The following ZNF821 variants were observed in gnomAD, a reference collection of about 807,000 sequenced individuals.
ZNF821 encodes zinc finger protein 821.
Under a neutral mutation model 44.3 loss-of-function variants are expected in ZNF821, and 16 were observed. The observed-to-expected ratio is 0.36, with a 90% CI of 0.24 to 0.55. ZNF821 has a LOEUF of 0.55. ZNF821 is among the 20% of genes least tolerant of loss of function. The pLI is 0.86. For missense variants in ZNF821, 436 were observed against 547.6 expected, an observed-to-expected ratio of 0.80 and a Z score of 2.03; for synonymous variants, 204 against 197.6, an observed-to-expected ratio of 1.03 and a Z score of -0.27.
At chr16:71,864,823 G>A in intron 5 of ZNF821, 80 bp downstream of exon 5, 3 of 1,568,460 alleles carry the variant, frequency 1.9e-6, no homozygotes, top group East Asian at 2.2e-5. Flanking sequence ...GCAAGACTGT[G>A]CCACAGGGGT....
rs771275957 is a variant in ZNF821 at position 71,883,140 on chromosome 16, C to G, written c.-78+71G>C. ...AGGTATTAGGTTGCAGCGTCTAGGG[C>G]ACACCACAGACTTTGGCAAGAAAAA... On this transcript the variant is annotated intron_variant, in intron 2 of 7. Transcript: ENST00000425432. 3.9e-5 allele frequency: 18 copies of G among 456,452 alleles called. No individual in the cohort carries two copies. In the East Asian group the frequency reaches 1.2e-3, roughly 30 times the overall value. The allele number at this position is 456,452 out of a possible 1,614,324, so 28.3% of individuals were successfully genotyped here.
chr16:71,879,849 C>G (rs548198390), intron 3 of ZNF821, 58 bp downstream of exon 3: 1 of 1,529,242 alleles, frequency 6.5e-7, no homozygotes, highest in South Asian at 1.2e-5. Context: ...ATTCAGGTTA[C>G]TCTTCCATTC....
At chr16:71,873,939 G>A (rs1001145212) in intron 3 of ZNF821, among the ~76,000 whole-genome samples, 17 of 147,530 alleles carry the variant, frequency 1.2e-4, no homozygotes, top group Non-Finnish European at 2.1e-4. Context: ...AGGTGTGAGC[G>A]ACCACGCCCG....
intron 3 of ZNF821, among the ~76,000 whole-genome samples, chr16:71,872,194 G>A (rs1263414116): frequency 6.6e-6 from 1 of 152,194 alleles, no homozygotes; most frequent in African/African-American, 2.4e-5. Context: ...GAACAGATGA[G>A]AGGAATGAGA....
chr16:71,880,059 T>C, intron 2 of ZNF821, 36 bp from the exon 3 acceptor site: 1 of 1,006,734 alleles, frequency 9.9e-7, no homozygotes, highest in South Asian at 1.9e-5. Context: ...CACATGTCAT[T>C]TTCCCCAGCA....
chr16:71,870,637 G>A (rs1037422964), intron 3 of ZNF821, among the ~76,000 whole-genome samples: 3 of 151,998 alleles, frequency 2.0e-5, no homozygotes, highest in Admixed American at 6.6e-5. Context: ...CCAGTACCAC[G>A]CCTGGCTAAT....
At chr16:71,887,814 A>G (rs2036867164), upstream of ZNF821, among the ~76,000 whole-genome samples, 1 of 151,144 alleles carries the variant, frequency 6.6e-6, no homozygotes, top group African/African-American at 2.4e-5. Context: ...CCATTTGGAG[A>G]ATGTCTATTC....
At chr16:71,889,216 G>A (rs2036873080), upstream of ZNF821, among the ~76,000 whole-genome samples, 1 of 152,130 alleles carries the variant, frequency 6.6e-6, no homozygotes, top group South Asian at 2.1e-4. Flanking sequence ...TCAGCCTGAT[G>A]ACAGAGTGAA....
At chr16:71,876,710 C>T (rs1052926507) in intron 3 of ZNF821, among the ~76,000 whole-genome samples, 4 of 152,138 alleles carry the variant, frequency 2.6e-5, no homozygotes, top group Middle Eastern at 3.2e-3. Flanking sequence ...TGGGTTCAAG[C>T]GATCCTCCCA....
upstream of ZNF821, among the ~76,000 whole-genome samples, chr16:71,885,672 A>G (rs535124032): frequency 9.2e-5 from 14 of 152,314 alleles, no homozygotes; most frequent in African/African-American, 3.4e-4. Flanking sequence ...CTTGTGTTCA[A>G]TGTAATAGAA....
upstream of ZNF821, among the ~76,000 whole-genome samples, chr16:71,888,043 A>C (rs4788573): frequency 0.8 from 121,308 of 151,650 alleles, 48,873 homozygotes; most frequent in East Asian, 0.98. Context: ...CACCTGAATA[A>C]TTTTTGTATT....
intron 4 of ZNF821, among the ~76,000 whole-genome samples, chr16:71,866,388 C>G (rs939202709): frequency 3.3e-5 from 5 of 152,162 alleles, no homozygotes; most frequent in African/African-American, 1.2e-4. Context: ...AACTGGTGGA[C>G]TGGATTTGGG....
At chr16:71,883,145 C>T in intron 2 of ZNF821, 66 bp downstream of exon 2, 1 of 456,430 alleles carries the variant, frequency 2.2e-6, no homozygotes, top group Non-Finnish European at 4.4e-6. Context: ...TAGGGCACAC[C>T]ACAGACTTTG....
chr16:71,871,939 C>T (rs2142406161), intron 3 of ZNF821, among the ~76,000 whole-genome samples: 1 of 151,946 alleles, frequency 6.6e-6, no homozygotes, highest in East Asian at 1.9e-4. Flanking sequence ...TCAAGCGATT[C>T]TCCTGCCTCA....
In ZNF821 at chr16:71,867,968, T is replaced by A. The variant is rs979487929; in HGVS notation, c.110A>T (p.Asp37Val). The change falls in exon 4 of 8, where the codon GAC becomes GTC. Residue 37 changes from aspartate to valine, a missense_variant. Asp to Val is a radical substitution (Grantham distance 152, BLOSUM62 -3). Coordinates refer to ENST00000425432, the MANE Select transcript of ZNF821 (RefSeq NM_001201552.2). ...QAMMKTDFPGDLGSQRQAIQQ... is the reference protein window; with the variant it reads ...QAMMKTDFPGVLGSQRQAIQQ... The stretch of plus-strand genomic sequence containing the variant: ...GATAGCTTGTCGCTGACTGCCAAGG[T>A]CTCCAGGAAAATCAGTTTTCATCAT... The A allele has an allele frequency of 2.0e-6, 3 of 1,535,940 alleles. No homozygotes were observed. In the African/African-American group the frequency reaches 4.1e-5, roughly 21 times the overall value.
intron 1 of ZNF821, chr16:71,893,822 A>C (rs1283221311): frequency 6.7e-6 from 1 of 150,064 alleles, no homozygotes; most frequent in Non-Finnish European, 1.5e-5. Flanking sequence ...GCTAGATTGC[A>C]ATGGGGAGAT....
At chr16:71,865,803 G>A (rs140983421) in intron 4 of ZNF821, among the ~76,000 whole-genome samples, 62 of 152,236 alleles carry the variant, frequency 4.1e-4, no homozygotes, top group South Asian at 3.1e-3. Flanking sequence ...TGGAAGGAAC[G>A]GGCCATTCTT....
In ZNF821 at chr16:71,860,028, G is replaced by T; in HGVS notation, c.1229C>A (p.Ser410Tyr). Residue 410 changes from serine (S) to tyrosine (Y), a missense_variant, in exon 8 of 8, where the codon TCT (serine) becomes TAT (tyrosine). Ser to Tyr is a moderately radical substitution (Grantham distance 144). Coordinates refer to ENST00000425432, the MANE Select transcript of ZNF821 (RefSeq NM_001201552.2). The surrounding 1 kb of genome is among the most constrained non-coding windows in gnomAD (Gnocchi z 7.3). ...KMAFEEQNSS[S>Y]LH ...GCAGGAGGGTGTGGTTCAGTGCAGA[G>T]AGCTGCTGTTCTGCTCTTCAAAGGC... 6.2e-7 allele frequency: 1 copy of T among 1,604,106 alleles called. No individual in the cohort carries two copies. The highest frequency in any genetic ancestry group is 8.5e-7 in the Non-Finnish European group (1 of 1,175,508).
chr16:71,885,777 T>C (rs910773957), upstream of ZNF821, among the ~76,000 whole-genome samples: 2 of 152,250 alleles, frequency 1.3e-5, no homozygotes, highest in African/African-American at 2.4e-5. Flanking sequence ...GATACTTAGA[T>C]AGCAATTATT....
Sources: allele counts gnomAD v4.1 joint callset (sites outside exome capture counted in the v4.1 genomes callset), GRCh38; gene constraint gnomAD v4.1.1; non-coding constraint Gnocchi (gnomAD v3.1); transcripts MANE v1.5; gene names NCBI Gene and HGNC (gene_info 2026-07-23, HGNC 2026-07-21).